The following NAA60 variants were observed in gnomAD, a reference collection of about 807,000 sequenced individuals.
NAA60 encodes N-alpha-acetyltransferase 60, NatF catalytic subunit, also known as N-alpha-acetyltransferase 60.
A neutral mutation model predicts 26.1 loss-of-function variants in NAA60; 8 were observed. That is an observed-to-expected ratio of 0.31 (90% CI 0.18 to 0.55). The LOEUF (loss-of-function observed/expected upper bound fraction) is 0.55. NAA60 is among the 20% of genes least tolerant of loss of function. The pLI is 0.93. For missense variants in NAA60, 290 were observed against 311.3 expected (o/e 0.93, Z 0.51); for synonymous variants, 131 against 122.5 (o/e 1.07, Z -0.46).
At position 3,482,053 on chromosome 16, in the gene NAA60, G is replaced by A. The variant is rs1242551967; in HGVS notation, c.241-449G>A. Among the ~76,000 whole-genome samples, 9 of 152,264 alleles carry A rather than the reference G, an allele frequency of 5.9e-5. No homozygotes were observed. The East Asian group carries it at 7.7e-4, about 13-fold the overall frequency. On this transcript the variant is annotated intron_variant, in intron 4 of 7. Transcript: ENST00000407558. ...GGCCGCCCAAGTCTCACTCCTCCAA[G>A]ATCACCTGGGGCAGCGTGCGATTCT...
chr16:3,486,460 C>T lies in NAA60; in HGVS notation c.*1200C>T, dbSNP rs1240405976. ...CAGACGGGGCCTCAGGGACCTGTGT[C>T]CTTCCGCCTCCAGAGCTGCCCAGCC... On this transcript the variant is annotated 3_prime_UTR_variant, in exon 8 of 8. Transcript: ENST00000407558. 5 of 152,358 alleles carry T rather than the reference C, an allele frequency of 3.3e-5. No homozygotes were observed. The highest frequency in any genetic ancestry group is 1.2e-4 in the African/African-American group (5 of 41,442). The allele number at this position is 152,358 out of a possible 1,614,324, so 9.4% of individuals were successfully genotyped here.
intron 6 of NAA60, 127 bp downstream of exon 6, chr16:3,483,724 C>A: frequency 1.4e-6 from 1 of 708,020 alleles, no homozygotes. Context: ...GGATGCTTCT[C>A]TCCCTTACCT....
rs778096140 is a variant in NAA60 at position 3,476,281 on chromosome 16, C to G, written c.54C>G (p.Leu18=). 1 of 1,613,986 alleles carries G rather than the reference C, an allele frequency of 6.2e-7. No individual in the cohort carries two copies. Among genetic ancestry groups the G allele is most frequent in the East Asian group, 2.2e-5 (1 of 44,882 alleles). Residue 18 remains leucine (L), a synonymous_variant, in exon 3 of 8, where the codon CTC becomes CTG. Coordinates refer to ENST00000407558, the MANE Select transcript of NAA60 (RefSeq NM_001083601.3). ...SALSEVSLRL[L]CHDDIDTVKH... The stretch of plus-strand genomic sequence containing the variant: ...TCAGCGAGGTCAGCCTGCGCCTCCT[C>G]TGCCACGATGACATAGACACTGTGA...
intron 2 of NAA60, among the ~76,000 whole-genome samples, chr16:3,455,585 C>T (rs1486611977): frequency 1.3e-5 from 2 of 151,760 alleles, no homozygotes; most frequent in African/African-American, 2.4e-5. Flanking sequence ...TTAGTAGAGA[C>T]GGGGTTTCAC....
chr16:3,480,496 C>T (rs1275131612), intron 4 of NAA60, among the ~76,000 whole-genome samples: 1 of 151,218 alleles, frequency 6.6e-6, no homozygotes, highest in African/African-American at 2.4e-5. Flanking sequence ...ATTTGGGAGG[C>T]TGAGGCAGGA....
chr16:3,479,457 G>A lies in NAA60; in HGVS notation c.111-14G>A, dbSNP rs1480041452. 3 of 1,613,220 alleles carry A rather than the reference G, an allele frequency of 1.9e-6. No individual in the cohort carries two copies. Among genetic ancestry groups the A allele is most frequent in the Non-Finnish European group, 1.7e-6 (2 of 1,179,470 alleles). On this transcript the variant is annotated splice_polypyrimidine_tract_variant and intron_variant, in intron 3 of 7. Transcript: ENST00000407558. ...ACCTGTGGCAGGTTCACCTGAGTAT[G>A]TTCTGTTTCTCAGGTACCCAGACTC...
intron 2 of NAA60, among the ~76,000 whole-genome samples, chr16:3,453,840 C>T (rs949692654): frequency 1.8e-4 from 27 of 151,980 alleles, no homozygotes; most frequent in Admixed American, 1.7e-3. Flanking sequence ...AGTGGGGAAA[C>T]CTGATCCCCA....
At chr16:3,463,045 T>G (rs2035512055) in intron 2 of NAA60, among the ~76,000 whole-genome samples, 1 of 152,164 alleles carries the variant, frequency 6.6e-6, no homozygotes, top group East Asian at 1.9e-4. Flanking sequence ...CCTCTTTGTT[T>G]CTTTGCGACT....
At chr16:3,482,882 C>G in intron 5 of NAA60, 1 of 540,010 alleles carries the variant, frequency 1.9e-6, no homozygotes, top group South Asian at 2.1e-5. Context: ...ACTGGCACCT[C>G]TCACTTCTGC....
chr16:3,462,086 C>CAA (rs1228233879), intron 2 of NAA60, among the ~76,000 whole-genome samples: 24 of 76,776 alleles, frequency 3.1e-4, no homozygotes, highest in South Asian at 1.6e-3. Context: ...GACCTTATAT[C>CAA]AAAAAAAAAA....
chr16:3,471,722 T>C (rs1035283241), intron 2 of NAA60, among the ~76,000 whole-genome samples: 1 of 151,834 alleles, frequency 6.6e-6, no homozygotes, highest in Non-Finnish European at 1.5e-5. Flanking sequence ...GAGCCGGTGG[T>C]GTTTTTTTCA....
intron 1 of NAA60, chr16:3,447,593 C>A: frequency 1.0e-6 from 1 of 985,418 alleles, no homozygotes; most frequent in Non-Finnish European, 1.2e-6. Context: ...TGACACAGAG[C>A]CTTCTCACCT....
At chr16:3,445,256 T>C (rs2034501294) in intron 1 of NAA60, among the ~76,000 whole-genome samples, 1 of 151,732 alleles carries the variant, frequency 6.6e-6, no homozygotes, top group African/African-American at 2.4e-5. Context: ...CATCTTTCCC[T>C]TCTTGGTTTG....
chr16:3,460,435 C>A (rs1371184713), intron 2 of NAA60, among the ~76,000 whole-genome samples: 1 of 152,230 alleles, frequency 6.6e-6, no homozygotes, highest in Non-Finnish European at 1.5e-5. Context: ...GTAATCTCGG[C>A]TCACCGCAAC....
Position 3,471,710 on chromosome 16 carries a change from C to G in NAA60, c.-6-4512C>G, listed in dbSNP as rs556983069. On this transcript the variant is annotated intron_variant, in intron 2 of 7. Coordinates refer to ENST00000407558, the MANE Select transcript of NAA60 (RefSeq NM_001083601.3). ...CTCATCCTGCCCTCTCCGGTGAGAG[C>G]TGAGCCGGTGGTGTTTTTTTCAGAG... Among the ~76,000 whole-genome samples, 7 of 152,222 alleles carry G rather than the reference C, an allele frequency of 4.6e-5. No homozygotes were observed. In the South Asian group the frequency reaches 1.5e-3, roughly 32 times the overall value.
At chr16:3,469,680 G>T (rs992591550) in intron 2 of NAA60, among the ~76,000 whole-genome samples, 18 of 152,210 alleles carry the variant, frequency 1.2e-4, no homozygotes, top group Non-Finnish European at 1.6e-4. Flanking sequence ...GGCGGGGCCT[G>T]TCTCTGACTT....
chr16:3,462,581 T>C (rs1313921933), intron 2 of NAA60: 1 of 152,198 alleles, frequency 6.6e-6, no homozygotes, highest in Non-Finnish European at 1.5e-5. Context: ...AACCTTTTCA[T>C]TGATGTATAC....
chr16:3,449,374 T>C (rs2034680647), intron 2 of NAA60, among the ~76,000 whole-genome samples: 1 of 151,944 alleles, frequency 6.6e-6, no homozygotes, highest in Non-Finnish European at 1.5e-5. Context: ...AAAAATTAGC[T>C]GGGCGTGGTG....
At chr16:3,477,902 A>G (rs2036580836) in intron 3 of NAA60, among the ~76,000 whole-genome samples, 1 of 152,162 alleles carries the variant, frequency 6.6e-6, no homozygotes, top group African/African-American at 2.4e-5. Context: ...CGTCTCTACT[A>G]AAAATACAAA....
Sources: allele counts gnomAD v4.1 joint callset (sites outside exome capture counted in the v4.1 genomes callset), GRCh38; gene constraint gnomAD v4.1.1; transcripts MANE v1.5; gene names NCBI Gene and HGNC (gene_info 2026-07-23, HGNC 2026-07-21).